NCAM2: variants seen among roughly 807,000 people sequenced by gnomAD.
NCAM2 encodes the protein neural cell adhesion molecule 2.
A neutral mutation model predicts 98.1 loss-of-function variants in NCAM2; 30 were observed. That is an observed-to-expected ratio of 0.31 (90% CI 0.23 to 0.41). NCAM2 has a LOEUF of 0.41. Among genes scored for constraint, NCAM2 ranks in the 10% least tolerant of loss-of-function variants. The pLI is 1.00. For synonymous variants in NCAM2, 368 were observed against 342.4 expected, an observed-to-expected ratio of 1.07 and a Z score of -0.83; for missense variants, 867 against 1,005.8, an observed-to-expected ratio of 0.86 and a Z score of 1.87.
chr21:21,338,420 A>C lies in NCAM2; in HGVS notation c.930A>C (p.Glu310Asp). The C allele has an allele frequency of 6.2e-7, 1 of 1,612,352 alleles. No homozygotes were observed. Among genetic ancestry groups the C allele is most frequent in the South Asian group, 1.1e-5 (1 of 91,014 alleles). The change falls in exon 8 of 18, where the codon GAA (glutamate) becomes GAC (aspartate). Residue 310 changes from glutamate (E) to aspartate (D), a missense_variant. This residue lies in a region of NCAM2 where 447 missense variants were observed against 495.7 expected (regional missense o/e 0.90). Transcript: ENST00000400546. ...CTCACATAATACAGCTTAAAAATGA[A>C]ACTACATATGAGAATGGTCAAGTCA... ...VQPHIIQLKN[E>D]TTYENGQVTL...
At chr21:21,473,373 A>AATATATATATATAT (rs57318222) in intron 14 of NCAM2, among the ~76,000 whole-genome samples, 100 of 140,488 alleles carry the variant, frequency 7.1e-4, no homozygotes, top group African/African-American at 1.6e-3. Flanking sequence ...TATATGTATA[A>AATATATATATATAT]ATATATATAT....
chr21:21,096,682 C>T (rs2066131276), intron 1 of NCAM2, among the ~76,000 whole-genome samples: 1 of 151,648 alleles, frequency 6.6e-6, no homozygotes, highest in African/African-American at 2.4e-5. Flanking sequence ...TTTGGATCAG[C>T]TTCCAACATT....
chr21:21,359,228 T>C (rs1188716144), intron 8 of NCAM2, among the ~76,000 whole-genome samples: 1 of 151,966 alleles, frequency 6.6e-6, no homozygotes, highest in African/African-American at 2.4e-5. Context: ...AGCAATAATA[T>C]AAGTCCCTGC....
At chr21:21,046,879 T>C (rs1462081446) in intron 1 of NCAM2, among the ~76,000 whole-genome samples, 1 of 152,186 alleles carries the variant, frequency 6.6e-6, no homozygotes, top group Admixed American at 6.5e-5. Context: ...CAAACAATAA[T>C]AGCAAAATAT....
At chr21:21,146,992 TACTC>T (rs1439356754) in intron 1 of NCAM2, 1 of 704,458 alleles carries the variant, frequency 1.4e-6, no homozygotes, top group Admixed American at 7.1e-5. Context: ...CGCTGCCTTC[TACTC>T]CAGCACCAGT....
chr21:21,374,096 A>G, intron 9 of NCAM2, 83 bp downstream of exon 9: 1 of 1,340,302 alleles, frequency 7.5e-7, no homozygotes. Flanking sequence ...ACCAAAATAT[A>G]TATGTAGTTC....
chr21:21,016,349 C>G (rs926902808), intron 1 of NCAM2, among the ~76,000 whole-genome samples: 1 of 152,156 alleles, frequency 6.6e-6, no homozygotes, highest in Non-Finnish European at 1.5e-5. Context: ...ATATCAAAGC[C>G]AACGTTTATA....
intron 12 of NCAM2, among the ~76,000 whole-genome samples, chr21:21,435,307 A>G (rs967903088): frequency 6.6e-6 from 1 of 152,214 alleles, no homozygotes. Flanking sequence ...TAAAAGCAGA[A>G]GTCCAAATTT....
intron 1 of NCAM2, among the ~76,000 whole-genome samples, chr21:21,109,177 C>CT (rs933996643): frequency 2.0e-5 from 3 of 152,022 alleles, no homozygotes; most frequent in Admixed American, 1.3e-4. Context: ...TTTAAAATGC[C>CT]TTTGTAAAGA....
intron 1 of NCAM2, among the ~76,000 whole-genome samples, chr21:21,252,685 A>C (rs1029474279): frequency 9.2e-5 from 14 of 152,126 alleles, no homozygotes; most frequent in Non-Finnish European, 1.8e-4. Flanking sequence ...ATTTTTAAAC[A>C]CTTGAGAAAT....
At chr21:21,204,561 T>G (rs2069362260) in intron 1 of NCAM2, among the ~76,000 whole-genome samples, 1 of 152,102 alleles carries the variant, frequency 6.6e-6, no homozygotes, top group Non-Finnish European at 1.5e-5. Context: ...GAAATTAGAG[T>G]TGGATTCTAG....
In NCAM2 at chr21:21,081,673, T is replaced by A. The variant is rs775048834; in HGVS notation, c.55+83055T>A. Among the ~76,000 whole-genome samples, 4 of 151,644 alleles carry A rather than the reference T, an allele frequency of 2.6e-5. No individual in the cohort carries two copies. The South Asian group carries it at 8.4e-4, about 32-fold the overall frequency. The stretch of plus-strand genomic sequence containing the variant: ...AAACGTAGCCAGGCGTGGCGGTGCG[T>A]GCCTGTAATCTCAGTTACTAGGGAG... On this transcript the variant is annotated intron_variant, in intron 1 of 17. Coordinates refer to ENST00000400546, the MANE Select transcript of NCAM2 (RefSeq NM_004540.5).
chr21:21,525,320 G>A (rs1989263624), intron 16 of NCAM2, among the ~76,000 whole-genome samples: 1 of 151,892 alleles, frequency 6.6e-6, no homozygotes, highest in Admixed American at 6.6e-5. Flanking sequence ...AAGAATATCA[G>A]AAATAAAGAA....
intron 1 of NCAM2, among the ~76,000 whole-genome samples, chr21:21,144,517 T>C (rs1439349039): frequency 1.3e-5 from 2 of 152,028 alleles, no homozygotes; most frequent in Non-Finnish European, 2.9e-5. Context: ...GAGAGACACA[T>C]GGTGATCATA....
intron 9 of NCAM2, among the ~76,000 whole-genome samples, chr21:21,397,885 A>T (rs1051902932): frequency 2.0e-5 from 3 of 152,210 alleles, no homozygotes; most frequent in African/African-American, 7.2e-5. Flanking sequence ...CTGTGTGGAG[A>T]TTCCTTAAAG....
intron 1 of NCAM2, among the ~76,000 whole-genome samples, chr21:21,129,089 AT>A (rs1261533539): frequency 3.9e-5 from 6 of 152,188 alleles, no homozygotes; most frequent in Non-Finnish European, 1.5e-5. Context: ...AGGTAAACAA[AT>A]TTTAAAACGT....
chr21:21,168,184 A>C (rs531106435), intron 1 of NCAM2, among the ~76,000 whole-genome samples: 127 of 152,252 alleles, frequency 8.3e-4, no homozygotes, highest in African/African-American at 2.9e-3. Flanking sequence ...TCCTCATATC[A>C]GCAGGCTAAA....
At chr21:21,351,895 C>T (rs762783334) in intron 8 of NCAM2, among the ~76,000 whole-genome samples, 4 of 151,974 alleles carry the variant, frequency 2.6e-5, no homozygotes, top group East Asian at 1.9e-4. Context: ...TACAGGCACA[C>T]GCCATCACGC....
Position 21,214,746 on chromosome 21 carries a change from T to TATATAC in NCAM2, c.56-65831_56-65830insTATACA, listed in dbSNP as rs11268201. On this transcript the variant is annotated intron_variant, in intron 1 of 17. Transcript: ENST00000400546. ...CCATATATATATATATATATATATA[T>TATATAC]ACACTATATATACACATATATGTAA... 5.4e-3 allele frequency among the ~76,000 whole-genome samples: 539 copies of TATATAC among 100,494 alleles called. 12 individuals are homozygous for TATATAC. The highest frequency in any genetic ancestry group is 0.015 in the Middle Eastern group (2 of 136). 65.9% of individuals were successfully genotyped at this position (100,494 alleles called of 152,430 possible).
Sources: allele counts gnomAD v4.1 joint callset (sites outside exome capture counted in the v4.1 genomes callset), GRCh38; gene constraint gnomAD v4.1.1; regional missense constraint gnomAD v4.1.1; transcripts MANE v1.5; gene names NCBI Gene and HGNC (gene_info 2026-07-23, HGNC 2026-07-21).